The following LRIG1 variants were observed in gnomAD, a reference collection of about 807,000 sequenced individuals.
LRIG1 encodes leucine rich repeats and immunoglobulin like domains 1.
In LRIG1, 48 loss-of-function variants were observed where a neutral mutation model predicts 99.2. That is an observed-to-expected ratio of 0.48 (90% CI 0.38 to 0.62). LRIG1 has a LOEUF of 0.62. LRIG1 is among the 20% of genes least tolerant of loss of function. The pLI is 0.00. For synonymous variants in LRIG1, 772 were observed against 596.1 expected, an observed-to-expected ratio of 1.29 and a Z score of -4.30; for missense variants, 1,646 against 1,434.4, an observed-to-expected ratio of 1.15 and a Z score of -2.38.
At chr3:66,397,984 G>A in intron 11 of LRIG1, 128 bp downstream of exon 11, 2 of 706,744 alleles carry the variant, frequency 2.8e-6, no homozygotes, top group South Asian at 3.6e-5. Context: ...CAGAGACTCT[G>A]TGGCCCACAA....
At chr3:66,481,437 A>G (rs1196872294) in intron 1 of LRIG1, among the ~76,000 whole-genome samples, 1 of 152,182 alleles carries the variant, frequency 6.6e-6, no homozygotes, top group Non-Finnish European at 1.5e-5. Context: ...CCAATTTAAT[A>G]AAGCCGACAT....
intron 1 of LRIG1, among the ~76,000 whole-genome samples, 155 bp from the exon 2 acceptor site, chr3:66,462,664 A>G (rs1700381268): frequency 1.3e-5 from 2 of 151,866 alleles, no homozygotes; most frequent in South Asian, 4.2e-4. Flanking sequence ...TGAGATTTAC[A>G]GACATACCCC....
At chr3:66,383,448 G>T (rs766455191) in intron 14 of LRIG1, 47 bp from the exon 15 acceptor site, 2 of 1,469,022 alleles carry the variant, frequency 1.4e-6, no homozygotes, top group Non-Finnish European at 1.8e-6. Flanking sequence ...GGCCTCCGTT[G>T]CTCTGGCTCT....
intron 12 of LRIG1, among the ~76,000 whole-genome samples, chr3:66,393,396 G>A (rs1355312752): frequency 6.6e-6 from 1 of 152,230 alleles, no homozygotes; most frequent in South Asian, 2.1e-4. Context: ...CCGTGAGCCT[G>A]TGTCAGTCCT....
chr3:66,443,802 C>T (rs1703626646), intron 3 of LRIG1, among the ~76,000 whole-genome samples: 1 of 152,230 alleles, frequency 6.6e-6, no homozygotes, highest in African/African-American at 2.4e-5. Context: ...AACCCACGGT[C>T]TCCACCATGA....
intron 4 of LRIG1, among the ~76,000 whole-genome samples, chr3:66,416,015 A>C (rs575199120): frequency 1.7e-4 from 26 of 152,312 alleles, no homozygotes; most frequent in African/African-American, 6.0e-4. Flanking sequence ...GATTCTTTGC[A>C]AATGGGGCTG....
chr3:66,385,100 T>G (rs1293950797), intron 13 of LRIG1, among the ~76,000 whole-genome samples: 2 of 152,170 alleles, frequency 1.3e-5, no homozygotes, highest in Admixed American at 1.3e-4. Context: ...GATAACCCCA[T>G]TAGGTTACTG....
chr3:66,410,489 G>T (rs193000689), intron 6 of LRIG1, among the ~76,000 whole-genome samples: 1 of 152,306 alleles, frequency 6.6e-6, no homozygotes, highest in East Asian at 1.9e-4. Context: ...TGCCAAGGCC[G>T]ACTCGAGTGT....
intron 8 of LRIG1, chr3:66,405,768 G>A (rs772496799): frequency 9.4e-6 from 11 of 1,174,340 alleles, no homozygotes; most frequent in South Asian, 3.4e-5. Context: ...AGTGGGTCTG[G>A]AGCCCGGAGC....
chr3:66,397,202 C>T (rs774004545), intron 11 of LRIG1, among the ~76,000 whole-genome samples: 2 of 152,208 alleles, frequency 1.3e-5, no homozygotes, highest in Non-Finnish European at 2.9e-5. Flanking sequence ...AGTCTGGTGT[C>T]ACCCGGCCCG....
intron 1 of LRIG1, among the ~76,000 whole-genome samples, chr3:66,492,169 T>C (rs1701116016): frequency 6.6e-6 from 1 of 152,216 alleles, no homozygotes; most frequent in South Asian, 2.1e-4. Context: ...AACTACAAGA[T>C]TTGAAACAAC....
At chr3:66,469,599 T>C (rs1700551838) in intron 1 of LRIG1, among the ~76,000 whole-genome samples, 1 of 152,214 alleles carries the variant, frequency 6.6e-6, no homozygotes, top group African/African-American at 2.4e-5. Context: ...ACACATGTCA[T>C]CCTGGTCTGT....
chr3:66,427,182 A>G lies in LRIG1; in HGVS notation c.366-9916T>C, dbSNP rs575022298. On this transcript the variant is annotated intron_variant, in intron 3 of 18. Transcript: ENST00000273261. ...AGCACTCTGCCCATCATGGTGCTGC[A>G]CTGGAATTCTTACCAAGGCTCTGCA... Among the ~76,000 whole-genome samples the G allele has an allele frequency of 2.0e-5, 3 of 152,354 alleles. No homozygotes were observed. The South Asian group carries it at 6.2e-4, about 32-fold the overall frequency.
intron 9 of LRIG1, among the ~76,000 whole-genome samples, chr3:66,402,940 A>G (rs1482779679): frequency 6.6e-6 from 1 of 152,158 alleles, no homozygotes; most frequent in Non-Finnish European, 1.5e-5. Context: ...CCCTCCCTTC[A>G]TTCAACAAAC....
intron 6 of LRIG1, among the ~76,000 whole-genome samples, 200 bp from the exon 7 acceptor site, chr3:66,410,472 C>G (rs765134518): frequency 3.9e-5 from 6 of 152,210 alleles, no homozygotes; most frequent in Non-Finnish European, 7.3e-5. Context: ...AAATGGATGA[C>G]AGCACATGCC....
At chr3:66,456,844 G>A (rs1294268011) in intron 2 of LRIG1, among the ~76,000 whole-genome samples, 7 of 152,118 alleles carry the variant, frequency 4.6e-5, no homozygotes, top group African/African-American at 7.2e-5. Flanking sequence ...CGGGCCAGGC[G>A]GCAGTACTGT....
chr3:66,397,992 C>G, intron 11 of LRIG1, 120 bp downstream of exon 11: 1 of 806,908 alleles, frequency 1.2e-6, no homozygotes, highest in Non-Finnish European at 2.0e-6. Flanking sequence ...CTGTGGCCCA[C>G]AAAATCCAAA....
intron 13 of LRIG1, among the ~76,000 whole-genome samples, chr3:66,384,851 G>A (rs537893621): frequency 9.9e-5 from 15 of 152,266 alleles, no homozygotes; most frequent in East Asian, 5.8e-4. Context: ...AGAGTGGGAC[G>A]CATCCAGCCA....
Position 66,404,184 on chromosome 3 carries a change from G to A in LRIG1, c.1160+1014C>T, listed in dbSNP as rs993211168. Reference sequence around the variant, plus strand: ...GTATATAAAAGGTGCAAAAAGCCACGCTTTTCAAAACAAATCAGAAGCATC... The same window carrying A: ...GTATATAAAAGGTGCAAAAAGCCACACTTTTCAAAACAAATCAGAAGCATC... On this transcript the variant is annotated intron_variant, in intron 9 of 18. Transcript: ENST00000273261. 2.0e-5 allele frequency: 24 copies of A among 1,222,150 alleles called. No homozygotes were observed. The East Asian group carries it at 3.4e-4, about 17-fold the overall frequency. 75.7% of individuals were successfully genotyped at this position (1,222,150 alleles called of 1,614,324 possible). A position where few individuals can be genotyped will look rare whatever the true frequency, so the allele number is the denominator to read the frequency against.
Sources: allele counts gnomAD v4.1 joint callset (sites outside exome capture counted in the v4.1 genomes callset), GRCh38; gene constraint gnomAD v4.1.1; transcripts MANE v1.5; gene names NCBI Gene and HGNC (gene_info 2026-07-23, HGNC 2026-07-21).